Variants in CCL17 observed in about 807,000 individuals in gnomAD.
CCL17 encodes C-C motif chemokine 17.
A neutral mutation model predicts 7.4 loss-of-function variants in CCL17; 8 were observed. That is an observed-to-expected ratio of 1.09 (90% CI 0.64 to 1.96). The LOEUF (loss-of-function observed/expected upper bound fraction) is 1.96, where lower values mean the gene tolerates loss of function less well. CCL17 is among the 30% of genes most tolerant of loss of function. CCL17 has a pLI of 0.00. For synonymous variants in CCL17, 40 were observed against 46.1 expected (o/e 0.87, Z 0.54); for missense variants, 102 against 113.0 (o/e 0.90, Z 0.44).
chr16:57,399,617 A>G, the CCL17 span, among the ~76,000 whole-genome samples: 13 of 152,000 alleles, frequency 8.6e-5, no homozygotes, highest in East Asian at 2.5e-3. Flanking sequence ...TGCCCAGCTA[A>G]TTTTTTATTT....
chr16:57,401,803 T>C (rs951686021), upstream of CCL17, among the ~76,000 whole-genome samples: 1 of 152,164 alleles, frequency 6.6e-6, no homozygotes, highest in Non-Finnish European at 1.5e-5. Flanking sequence ...TTACTTTCAA[T>C]CACTCTCCTG....
rs1303160449 is a variant in CCL17 at position 57,413,919 on chromosome 16, G to A, written c.-14G>A. On this transcript the variant is annotated 5_prime_UTR_variant, in exon 2 of 4. An upstream open reading frame in the 5' UTR gains an earlier in-frame stop. Transcript: ENST00000219244. ...GACCTGCACACAGAGACTCCCTCCT[G>A]GGCTCCTGGCACCATGGCCCCACTG... 1 of 1,601,058 alleles carries A rather than the reference G, an allele frequency of 6.2e-7. No individual in the cohort carries two copies. Among genetic ancestry groups the A allele is most frequent in the East Asian group, 2.3e-5 (1 of 44,434 alleles).
chr16:57,409,931 G>A (rs572778749), intron 1 of CCL17, among the ~76,000 whole-genome samples: 5 of 152,280 alleles, frequency 3.3e-5, no homozygotes, highest in African/African-American at 1.2e-4. Context: ...AGCTGTCAGC[G>A]ATGGAGATGA....
At chr16:57,409,743 G>GAACCTGAGGA (rs1902754353) in intron 1 of CCL17, among the ~76,000 whole-genome samples, 1 of 152,114 alleles carries the variant, frequency 6.6e-6, no homozygotes, top group Admixed American at 6.5e-5. Flanking sequence ...GAACCAAGAG[G>GAACCTGAGGA]ACACCCTGTC....
At chr16:57,405,207 C>T (rs1293842334) in intron 1 of CCL17, among the ~76,000 whole-genome samples, 2 of 152,070 alleles carry the variant, frequency 1.3e-5, no homozygotes, top group Non-Finnish European at 2.9e-5. Context: ...TGTGAAAGAT[C>T]CACCACATGT....
In CCL17 at chr16:57,415,216, C is replaced by A. The variant is rs1489377603; in HGVS notation, c.188+18C>A. On this transcript the variant is annotated intron_variant, in intron 3 of 3. Transcript: ENST00000219244. The surrounding 1 kb of genome is among the most constrained non-coding windows in gnomAD (Gnocchi z 4.5). The stretch of plus-strand genomic sequence containing the variant: ...GCCATCGTGTAAGTCCCCCTGGCTC[C>A]ACCCCTGCTCCTCAGGGCCAAGCAT... 6.7e-7 allele frequency: 1 copy of A among 1,502,402 alleles called. No individual in the cohort carries two copies. Among genetic ancestry groups the A allele is most frequent in the South Asian group, 1.1e-5 (1 of 88,824 alleles). 93.1% of individuals were successfully genotyped at this position (1,502,402 alleles called of 1,614,324 possible).
chr16:57,404,315 C>T (rs1902663958), upstream of CCL17, among the ~76,000 whole-genome samples: 1 of 152,122 alleles, frequency 6.6e-6, no homozygotes, highest in Non-Finnish European at 1.5e-5. Context: ...ACAGGGAGAG[C>T]ACCCAGAAGG....
At chr16:57,407,745 C>T (rs1269470293) in intron 1 of CCL17, among the ~76,000 whole-genome samples, 1 of 152,052 alleles carries the variant, frequency 6.6e-6, no homozygotes, top group Non-Finnish European at 1.5e-5. Flanking sequence ...TTCCATCCAT[C>T]CATCATCCAT....
chr16:57,397,264 AATAGGG>A, the CCL17 span, among the ~76,000 whole-genome samples: 1 of 152,216 alleles, frequency 6.6e-6, no homozygotes, highest in South Asian at 2.1e-4. Context: ...TGGCCCTGTA[AATAGGG>A]ATTTGGCCAT....
At chr16:57,407,331 A>G (rs568432263) in intron 1 of CCL17, among the ~76,000 whole-genome samples, 1 of 152,310 alleles carries the variant, frequency 6.6e-6, no homozygotes, top group South Asian at 2.1e-4. Flanking sequence ...CCACAACCAC[A>G]AGGAAGTTGT....
upstream of CCL17, among the ~76,000 whole-genome samples, chr16:57,403,570 A>ATTATATAT (rs1902644928): frequency 1.8e-5 from 1 of 56,848 alleles, no homozygotes; most frequent in African/African-American, 7.0e-5. Flanking sequence ...TATAATATAT[A>ATTATATAT]TTTATAATAT....
chr16:57,410,009 C>T lies in CCL17; in HGVS notation c.-59-3865C>T, dbSNP rs141582066. Among the ~76,000 whole-genome samples, 261 of 152,312 alleles carry T rather than the reference C, an allele frequency of 1.7e-3. 1 individual carries two copies. The highest frequency in any genetic ancestry group is 6.1e-3 in the African/African-American group (255 of 41,568). On this transcript the variant is annotated intron_variant, in intron 1 of 3. Coordinates refer to ENST00000219244, the MANE Select transcript of CCL17 (RefSeq NM_002987.3). ...TCGGGCAAGTCACTGCCCTGATGAG[C>T]CTCAGGTGACACTGGTGTGACCGGG... is the stretch of plus-strand genomic sequence containing the variant.
chr16:57,413,232 CA>C (rs1902813647), intron 1 of CCL17, among the ~76,000 whole-genome samples: 1 of 152,230 alleles, frequency 6.6e-6, no homozygotes, highest in East Asian at 1.9e-4. Context: ...CTCCTGTGGT[CA>C]GGGCCTCACC....
At chr16:57,398,708 AG>A in the CCL17 span, among the ~76,000 whole-genome samples, 1 of 152,234 alleles carries the variant, frequency 6.6e-6, no homozygotes, top group Admixed American at 6.5e-5. Flanking sequence ...TGTTGTAGGC[AG>A]AGCTGGGCCT....
intron 1 of CCL17, among the ~76,000 whole-genome samples, chr16:57,407,338 T>C (rs1372528908): frequency 1.3e-5 from 2 of 152,128 alleles, no homozygotes; most frequent in Non-Finnish European, 2.9e-5. Context: ...CACAAGGAAG[T>C]TGTAAACTAG....
At chr16:57,398,422 A>G in the CCL17 span, among the ~76,000 whole-genome samples, 1 of 152,090 alleles carries the variant, frequency 6.6e-6, no homozygotes, top group Non-Finnish European at 1.5e-5. Flanking sequence ...TTAAGGCTGG[A>G]GCTTGTACTA....
chr16:57,398,299 A>G, the CCL17 span, among the ~76,000 whole-genome samples: 3 of 152,120 alleles, frequency 2.0e-5, no homozygotes, highest in African/African-American at 7.2e-5. Context: ...CAATTTCCTT[A>G]CTTAGGTATG....
chr16:57,400,050 T>C (rs1290469609), upstream of CCL17, among the ~76,000 whole-genome samples: 1 of 152,000 alleles, frequency 6.6e-6, no homozygotes, highest in African/African-American at 2.4e-5. Context: ...AGAGAAGAAA[T>C]GTAACAATGT....
chr16:57,399,980 G>A (rs555070707), upstream of CCL17, among the ~76,000 whole-genome samples: 1 of 152,292 alleles, frequency 6.6e-6, no homozygotes, highest in African/African-American at 2.4e-5. Flanking sequence ...CAACCAAGCA[G>A]ATGGGAGCTC....
Sources: allele counts gnomAD v4.1 joint callset (sites outside exome capture counted in the v4.1 genomes callset), GRCh38; gene constraint gnomAD v4.1.1; non-coding constraint Gnocchi (gnomAD v3.1); transcripts MANE v1.5; gene names NCBI Gene and HGNC (gene_info 2026-07-23, HGNC 2026-07-21).